CUL2: variants seen among roughly 807,000 people sequenced by gnomAD.
CUL2 encodes cullin-2.
In CUL2, 22 loss-of-function variants were observed where a neutral mutation model predicts 110.2. The observed-to-expected ratio is 0.20, with a 90% CI of 0.14 to 0.28. The LOEUF (loss-of-function observed/expected upper bound fraction) is 0.28, where lower values mean the gene tolerates loss of function less well. CUL2 is among the 10% of genes least tolerant of loss of function. The pLI is 1.00. For missense variants in CUL2, 631 were observed against 905.5 expected, an observed-to-expected ratio of 0.70 and a Z score of 3.89; for synonymous variants, 279 against 293.2, an observed-to-expected ratio of 0.95 and a Z score of 0.49.
chr10:35,055,335 T>C (rs1239464636), intron 4 of CUL2, among the ~76,000 whole-genome samples: 1 of 152,232 alleles, frequency 6.6e-6, no homozygotes, highest in Non-Finnish European at 1.5e-5. Flanking sequence ...TATATACACT[T>C]TTCAAAATTC....
intron 20 of CUL2, 32 bp downstream of exon 20, chr10:35,011,813 ACCC>A: frequency 1.8e-6 from 2 of 1,129,326 alleles, no homozygotes; most frequent in Non-Finnish European, 1.3e-6. Context: ...AATGCCCTCT[ACCC>A]TAAGAAGCCC....
intron 1 of CUL2, among the ~76,000 whole-genome samples, chr10:35,104,991 T>A (rs915322912): frequency 2.4e-4 from 37 of 151,282 alleles, no homozygotes; most frequent in African/African-American, 7.7e-4. Context: ...GGCCTCCCAA[T>A]GTGCTGGGAT....
intron 1 of CUL2, among the ~76,000 whole-genome samples, chr10:35,113,626 A>G (rs190120432): frequency 6.6e-6 from 1 of 151,684 alleles, no homozygotes; most frequent in Admixed American, 6.6e-5. Context: ...AATATAATTC[A>G]TAATCAGGAG....
In CUL2 at chr10:35,067,745, A is replaced by C. The variant is rs541629169; in HGVS notation, c.119+3454T>G. 5.4e-4 allele frequency among the ~76,000 whole-genome samples: 79 copies of C among 146,328 alleles called. 1 individual carries two copies. In the South Asian group the frequency reaches 0.013, roughly 25 times the overall value. On this transcript the variant is annotated intron_variant, in intron 2 of 20. Transcript: ENST00000374749. The stretch of plus-strand genomic sequence containing the variant: ...GGCAACAGAGTGAGACCCTGCCACA[A>C]AAAAAAAAAAAAATTCACCATTATT...
intron 1 of CUL2, among the ~76,000 whole-genome samples, chr10:35,122,033 A>G (rs1397080530): frequency 6.6e-6 from 1 of 152,240 alleles, no homozygotes; most frequent in African/African-American, 2.4e-5. Flanking sequence ...GTTGGAACAC[A>G]GAACTGTTAA....
chr10:35,068,286 G>A (rs1356836067), intron 2 of CUL2, among the ~76,000 whole-genome samples: 1 of 152,014 alleles, frequency 6.6e-6, no homozygotes, highest in East Asian at 1.9e-4. Context: ...GCCAGGCATG[G>A]TGGCGGGCAC....
intron 3 of CUL2, among the ~76,000 whole-genome samples, chr10:35,062,167 A>G (rs1013452129): frequency 2.0e-5 from 3 of 152,182 alleles, no homozygotes; most frequent in Admixed American, 2.0e-4. Context: ...CTATAGCAAA[A>G]TACTGCAAAA....
Position 35,074,050 on chromosome 10 carries a change from C to T in CUL2, c.-22-2711G>A, listed in dbSNP as rs1474086708. ...TAGGCTGCTGTGTGCAACCATGCTACCTCACTAACATGCTTGGTGAATACT... is the reference window on the plus strand; with the variant it reads ...TAGGCTGCTGTGTGCAACCATGCTATCTCACTAACATGCTTGGTGAATACT... On this transcript the variant is annotated intron_variant, in intron 1 of 20. Coordinates refer to ENST00000374749, the MANE Select transcript of CUL2 (RefSeq NM_003591.4). 6.2e-6 allele frequency: 5 copies of T among 811,008 alleles called. No individual in the cohort carries two copies. In the South Asian group the frequency reaches 7.2e-5, roughly 12 times the overall value. The allele number at this position is 811,008 out of a possible 1,614,324, so 50.2% of individuals were successfully genotyped here. A position where few individuals can be genotyped will look rare whatever the true frequency, so the allele number is the denominator to read the frequency against.
intron 4 of CUL2, among the ~76,000 whole-genome samples, chr10:35,059,906 C>A (rs1027345362): frequency 2.0e-5 from 3 of 152,200 alleles, no homozygotes; most frequent in African/African-American, 7.2e-5. Flanking sequence ...CACACATACA[C>A]AAACACATAT....
intron 1 of CUL2, among the ~76,000 whole-genome samples, chr10:35,080,027 T>A (rs1235236507): frequency 6.6e-6 from 1 of 152,194 alleles, no homozygotes; most frequent in Admixed American, 6.5e-5. Context: ...AGAATTTAAT[T>A]ATGAGTTATT....
At chr10:35,080,627 T>C (rs1050018012) in intron 1 of CUL2, among the ~76,000 whole-genome samples, 17 of 152,116 alleles carry the variant, frequency 1.1e-4, no homozygotes, top group Non-Finnish European at 1.9e-4. Context: ...TGAGCTACTT[T>C]TTTGTATTTG....
intron 2 of CUL2, among the ~76,000 whole-genome samples, chr10:35,070,901 C>A (rs1444427070): frequency 6.6e-6 from 1 of 151,816 alleles, no homozygotes; most frequent in Non-Finnish European, 1.5e-5. Context: ...TTTTTTTTTA[C>A]CTGTTTAGTG....
intron 1 of CUL2, among the ~76,000 whole-genome samples, chr10:35,075,804 T>C (rs1389095306): frequency 6.6e-6 from 1 of 152,214 alleles, no homozygotes; most frequent in Non-Finnish European, 1.5e-5. Context: ...TTGAAAACAC[T>C]TGTAGATTTG....
At chr10:35,124,187 A>G (rs2087711882) in intron 1 of CUL2, among the ~76,000 whole-genome samples, 1 of 152,186 alleles carries the variant, frequency 6.6e-6, no homozygotes, top group Non-Finnish European at 1.5e-5. Context: ...GCCTCTAAGT[A>G]AATACATTTA....
Position 35,044,852 on chromosome 10 carries a change from C to A in CUL2, c.523G>T (p.Asp175Tyr), listed in dbSNP as rs1468085283. The A allele has an allele frequency of 6.2e-7, 1 of 1,612,482 alleles. No homozygotes were observed. Among genetic ancestry groups the A allele is most frequent in the Non-Finnish European group, 8.5e-7 (1 of 1,179,076 alleles). ...REIKNDRGGE[D>Y]PNQKVIHGVI... ...CCATGGATTACTTTCTGGTTTGGGTCTTCTCCACCACGATCACTAAAACAA... is the reference window on the plus strand; with the variant it reads ...CCATGGATTACTTTCTGGTTTGGGTATTCTCCACCACGATCACTAAAACAA... The change falls in exon 7 of 21, where the codon GAC (aspartate) becomes TAC (tyrosine). Residue 175 changes from aspartate (D) to tyrosine (Y), a missense_variant. By Grantham distance (160) the Asp-to-Tyr change is radical. Around this residue, in one of 3 missense-constraint regions of CUL2, gnomAD observed 338 missense variants for 442.5 expected, o/e 0.76. Transcript: ENST00000374749.
intron 2 of CUL2, among the ~76,000 whole-genome samples, chr10:35,099,234 C>CA (rs2087342425): frequency 6.6e-6 from 1 of 151,536 alleles, no homozygotes; most frequent in African/African-American, 2.4e-5. Context: ...TTCTAAAATA[C>CA]AAAAAAATTA....
chr10:35,103,308 A>ATTTTTTTTT (rs67257350), intron 1 of CUL2, among the ~76,000 whole-genome samples: 6 of 94,544 alleles, frequency 6.3e-5, no homozygotes, highest in Non-Finnish European at 8.2e-5. Context: ...GGCCAAGCTA[A>ATTTTTTTTT]TTTTTTTTTT....
At position 35,028,895 on chromosome 10, in the gene CUL2, GA is replaced by G; in HGVS notation, c.1540-9del. 1 of 1,561,488 alleles carries G rather than the reference GA, an allele frequency of 6.4e-7. No homozygotes were observed. The highest frequency in any genetic ancestry group is 8.7e-7 in the Non-Finnish European group (1 of 1,148,324). ...AAGAGGCCACGCACCAGCCTAGAAG[GA>G]AAAAAATAAAATAAAATAAGCTAAA... On this transcript the variant is annotated splice_polypyrimidine_tract_variant and intron_variant, in intron 15 of 20. Transcript: ENST00000374749.
At chr10:35,094,422 A>T (rs994920294), upstream of CUL2, among the ~76,000 whole-genome samples, 3 of 152,122 alleles carry the variant, frequency 2.0e-5, no homozygotes, top group African/African-American at 7.2e-5. Flanking sequence ...TTTAGTAGAG[A>T]TGGGGTTTCA....
Sources: gnomAD v4.1 joint callset for allele counts (sites outside exome capture counted in the v4.1 genomes callset) on GRCh38, gnomAD v4.1.1 for gene constraint, gnomAD v4.1.1 regional missense constraint, MANE v1.5 for transcripts, NCBI Gene and HGNC (gene_info 2026-07-23, HGNC 2026-07-21) for gene names.